The following DENND2A variants were observed in gnomAD, a reference collection of about 807,000 sequenced individuals.
The protein encoded by DENND2A is DENN domain-containing protein 2A.
Under a neutral mutation model 105.3 loss-of-function variants are expected in DENND2A, and 53 were observed. The ratio of observed to expected loss-of-function variants is 0.50; its 90% CI spans 0.40 to 0.63. The LOEUF is 0.63. Ranked by LOEUF, DENND2A falls within the 30% of genes least tolerant of loss-of-function variation. The pLI is 0.00. For missense variants in DENND2A, 1,138 were observed against 1,279.6 expected (o/e 0.89, Z 1.69); for synonymous variants, 522 against 508.4 (o/e 1.03, Z -0.36).
chr7:140,567,328 G>C (rs1033315183), intron 8 of DENND2A, 55 bp from the exon 9 acceptor site: 2 of 1,419,334 alleles, frequency 1.4e-6, no homozygotes, highest in Non-Finnish European at 1.9e-6. Flanking sequence ...GAGAGAGAGA[G>C]AGAGAGAGAG....
At chr7:140,593,451 T>C (rs762577268) in intron 3 of DENND2A, among the ~76,000 whole-genome samples, 13 of 152,346 alleles carry the variant, frequency 8.5e-5, no homozygotes, top group Non-Finnish European at 8.8e-5. Context: ...TAGCCAAATT[T>C]CAACAACCAA....
chr7:140,592,675 C>G (rs1198998785), intron 3 of DENND2A, among the ~76,000 whole-genome samples: 2 of 151,938 alleles, frequency 1.3e-5, no homozygotes, highest in Non-Finnish European at 2.9e-5. Context: ...TCTCAGCTCA[C>G]TGCAACCTCC....
In DENND2A at chr7:140,640,597, G is replaced by T; in HGVS notation, c.-341C>A. 6.7e-6 allele frequency: 1 copy of T among 149,088 alleles called. No individual in the cohort carries two copies. Among genetic ancestry groups the T allele is most frequent in the South Asian group, 1.9e-4 (1 of 5,396 alleles). 9.2% of individuals were successfully genotyped at this position (149,088 alleles called of 1,614,324 possible). A position where few individuals can be genotyped will look rare whatever the true frequency, so the allele number is the denominator to read the frequency against. On this transcript the variant is annotated 5_prime_UTR_variant, in exon 1 of 20. Transcript: ENST00000496613. This position sits in a 1 kb window ranked among gnomAD's most constrained non-coding sequence, Gnocchi z 4.9. ...CTGGCGGCGCGGCTCGGGGGCGGGC[G>T]GCGGCGGGTGCCGGGGACGCCATGG...
chr7:140,522,057 A>G lies in DENND2A; in HGVS notation c.2709T>C (p.Phe903=). ...SPLNEVVSEA[F]VRFFVEIVGH... ...CCACAATCTCCACGAAGAAGCGGAC[A>G]AAGGCTTCAGACACCACCTCGTTCA... The change falls in exon 18 of 20, where the codon TTT becomes TTC. Residue 903 remains phenylalanine (F), a synonymous_variant. Coordinates refer to ENST00000496613, the MANE Select transcript of DENND2A (RefSeq NM_015689.5). 1.2e-6 allele frequency: 2 copies of G among 1,614,200 alleles called. No homozygotes were observed. Among genetic ancestry groups the G allele is most frequent in the Non-Finnish European group, 1.7e-6 (2 of 1,180,038 alleles).
chr7:140,536,265 G>C (rs1796451705), intron 14 of DENND2A, among the ~76,000 whole-genome samples: 1 of 151,816 alleles, frequency 6.6e-6, no homozygotes, highest in Non-Finnish European at 1.5e-5. Context: ...TGAGGCAGGA[G>C]AATCACTTGA....
intron 3 of DENND2A, among the ~76,000 whole-genome samples, chr7:140,596,396 C>A (rs1209724593): frequency 1.3e-5 from 2 of 152,156 alleles, no homozygotes; most frequent in Non-Finnish European, 2.9e-5. Context: ...GTGGTAATTC[C>A]GAGTTGTCTC....
intron 9 of DENND2A, among the ~76,000 whole-genome samples, chr7:140,560,726 G>A (rs1235706080): frequency 2.0e-5 from 3 of 152,040 alleles, no homozygotes; most frequent in Admixed American, 2.0e-4. Flanking sequence ...GGGGTCAGGA[G>A]TTTGAGACCA....
At position 140,529,580 on chromosome 7, in the gene DENND2A, T is replaced by C. The variant is rs964791079; in HGVS notation, c.2328-2085A>G. On this transcript the variant is annotated intron_variant, in intron 14 of 19. Transcript: ENST00000496613. ...TCAATGATAGACTGGATTAAGAAAA[T>C]GTGGCACATATACACCATGGAATAC... Among the ~76,000 whole-genome samples, 3 of 151,926 alleles carry C rather than the reference T, an allele frequency of 2.0e-5. No homozygotes were observed. In the South Asian group the frequency reaches 6.2e-4, roughly 32 times the overall value.
rs749221164 is a variant in DENND2A at position 140,525,830 on chromosome 7, G to A, written c.2506-38C>T. The A allele has an allele frequency of 3.2e-6, 5 of 1,564,944 alleles. 1 individual carries two copies. The South Asian group carries it at 5.9e-5, about 19-fold the overall frequency. ...ACGAAAGGGACTGTTACTGTCACCA[G>A]GGCTTCTGGGATAGGGATGGACTCA... On this transcript the variant is annotated intron_variant, in intron 15 of 19. Transcript: ENST00000496613.
chr7:140,565,333 G>A (rs1464623569), intron 9 of DENND2A, among the ~76,000 whole-genome samples: 1 of 151,936 alleles, frequency 6.6e-6, no homozygotes, highest in African/African-American at 2.4e-5. Context: ...ATGCTTTTCT[G>A]GGGGTGGGGG....
intron 3 of DENND2A, among the ~76,000 whole-genome samples, chr7:140,598,605 A>T (rs1585725951): frequency 1.4e-5 from 2 of 146,664 alleles, no homozygotes; most frequent in African/African-American, 4.9e-5. Flanking sequence ...AAGATGTCTT[A>T]AAAAATACAC....
chr7:140,578,515 C>A (rs539313396), intron 5 of DENND2A, among the ~76,000 whole-genome samples: 1 of 152,182 alleles, frequency 6.6e-6, no homozygotes, highest in Non-Finnish European at 1.5e-5. Context: ...TACATATTTG[C>A]TCATATGTGC....
chr7:140,553,715 C>T (rs1414390653), intron 12 of DENND2A, among the ~76,000 whole-genome samples: 2 of 152,202 alleles, frequency 1.3e-5, no homozygotes, highest in African/African-American at 4.8e-5. Context: ...GAGCATGCTG[C>T]CTTCAAGCAT....
intron 8 of DENND2A, among the ~76,000 whole-genome samples, chr7:140,568,077 A>G (rs1563147274): frequency 6.6e-6 from 1 of 152,090 alleles, no homozygotes; most frequent in African/African-American, 2.4e-5. Context: ...AGTATCTGGG[A>G]TTACAGGCGC....
intron 12 of DENND2A, among the ~76,000 whole-genome samples, chr7:140,548,770 C>T (rs528450978): frequency 3.3e-5 from 5 of 151,322 alleles, no homozygotes; most frequent in South Asian, 2.1e-4. Flanking sequence ...TGCACCACCA[C>T]GCCTGGCTAA....
intron 14 of DENND2A, among the ~76,000 whole-genome samples, chr7:140,533,511 A>G (rs1233087679): frequency 6.6e-6 from 1 of 152,150 alleles, no homozygotes; most frequent in East Asian, 1.9e-4. Flanking sequence ...CATCTGGAGG[A>G]GAAGGTCGTG....
chr7:140,526,004 C>T (rs755468420), intron 15 of DENND2A, among the ~76,000 whole-genome samples: 1 of 152,166 alleles, frequency 6.6e-6, no homozygotes, highest in Non-Finnish European at 1.5e-5. Context: ...CTTTCAACAC[C>T]GACACCGCAG....
At chr7:140,520,624 C>T (rs1795821195) in intron 18 of DENND2A, among the ~76,000 whole-genome samples, 1 of 151,406 alleles carries the variant, frequency 6.6e-6, no homozygotes, top group Non-Finnish European at 1.5e-5. Flanking sequence ...AATGGTGCCA[C>T]TGTGGCTCAC....
chr7:140,564,110 C>G (rs1797739106), intron 9 of DENND2A, among the ~76,000 whole-genome samples: 1 of 151,974 alleles, frequency 6.6e-6, no homozygotes, highest in African/African-American at 2.4e-5. Context: ...TGGTGAAACC[C>G]CATCTCTACT....
Sources: gnomAD v4.1 joint callset for allele counts (sites outside exome capture counted in the v4.1 genomes callset) on GRCh38, gnomAD v4.1.1 for gene constraint, Gnocchi (gnomAD v3.1) non-coding constraint, MANE v1.5 for transcripts, NCBI Gene and HGNC (gene_info 2026-07-23, HGNC 2026-07-21) for gene names.